Variants in RINT1 observed in about 807,000 individuals in gnomAD.
The protein encoded by RINT1 is RAD50-interacting protein 1.
A neutral mutation model predicts 97.7 loss-of-function variants in RINT1; 75 were observed. That is an observed-to-expected ratio of 0.77 (90% CI 0.64 to 0.93). The LOEUF (loss-of-function observed/expected upper bound fraction) is 0.93, where lower values mean the gene tolerates loss of function less well. Ranked by LOEUF, RINT1 falls within the 40% of genes least tolerant of loss-of-function variation. The pLI is 0.00. For missense variants in RINT1, 892 were observed against 925.2 expected (o/e 0.96, Z 0.47); for synonymous variants, 303 against 326.3 (o/e 0.93, Z 0.77).
At chr7:105,547,642 A>T (rs1175863996) in intron 6 of RINT1, among the ~76,000 whole-genome samples, 2 of 152,154 alleles carry the variant, frequency 1.3e-5, no homozygotes, top group African/African-American at 4.8e-5. Flanking sequence ...GCGTGAATTT[A>T]ATCAAATGAT....
At chr7:105,555,271 A>C (rs776881562) in intron 11 of RINT1, 44 bp downstream of exon 11, 22 of 1,481,760 alleles carry the variant, frequency 1.5e-5, no homozygotes, top group Non-Finnish European at 2.0e-5. Context: ...TACTAGTTCG[A>C]ACTATTTTAT....
rs529700102 is a variant in RINT1, at chr7:105,548,623, C to T, written c.909C>T (p.Ile303=). The T allele has an allele frequency of 6.2e-7, 1 of 1,614,132 alleles. No individual in the cohort carries two copies. ...CTCTTCCTGCCTCCCCTTCTGTCAT[C>T]CTGCCCATCCAGGTTATGCTGACTC... ...KYSLPASPSV[I]LPIQVMLTPL... The change falls in exon 7 of 15, where the codon ATC becomes ATT. Residue 303 remains isoleucine (I), a synonymous_variant. Transcript: ENST00000257700.
Position 105,532,372 on chromosome 7 carries a change from G to A in RINT1, c.42+15G>A. On this transcript the variant is annotated intron_variant, in intron 1 of 14. Coordinates refer to ENST00000257700, the MANE Select transcript of RINT1 (RefSeq NM_021930.6). ...CTGCAGCCCCGGTGAGACGGCCCTGGCGTCCCTGGGAGGGGACATTGGTGG... is the reference window on the plus strand; with the variant it reads ...CTGCAGCCCCGGTGAGACGGCCCTGACGTCCCTGGGAGGGGACATTGGTGG... 6.3e-7 allele frequency: 1 copy of A among 1,599,230 alleles called. No homozygotes were observed. Among genetic ancestry groups the A allele is most frequent in the Non-Finnish European group, 8.5e-7 (1 of 1,174,426 alleles).
chr7:105,554,436 TC>T (rs201064328), intron 10 of RINT1, among the ~76,000 whole-genome samples: 6 of 150,708 alleles, frequency 4.0e-5, no homozygotes, highest in African/African-American at 1.5e-4. Context: ...CATTTTTTTT[TC>T]TTTCTTTTTT....
intron 7 of RINT1, among the ~76,000 whole-genome samples, chr7:105,549,122 G>T (rs7777343): frequency 6.6e-6 from 1 of 151,370 alleles, no homozygotes; most frequent in Non-Finnish European, 1.5e-5. Context: ...CAAGTAGCTG[G>T]GACTACAGGC....
Position 105,548,742 on chromosome 7 carries a change from T to C in RINT1, c.996+32T>C, listed in dbSNP as rs781649708. ...TTTGCCAGCTCTTGTCCTTGGTTTTTATTGGTAACAAATGTTAGAGTTTCT... is the reference window on the plus strand; with the variant it reads ...TTTGCCAGCTCTTGTCCTTGGTTTTCATTGGTAACAAATGTTAGAGTTTCT... On this transcript the variant is annotated intron_variant, in intron 7 of 14. Transcript: ENST00000257700. 3 of 1,569,528 alleles carry C rather than the reference T, an allele frequency of 1.9e-6. No homozygotes were observed. The Admixed American group carries it at 5.8e-5, about 30-fold the overall frequency.
In RINT1 at chr7:105,547,128, T is replaced by C. The variant is rs1562847457; in HGVS notation, c.689+45T>C. The C allele has an allele frequency of 6.2e-6, 10 of 1,613,354 alleles. No individual in the cohort carries two copies. The South Asian group carries it at 1.1e-4, about 18-fold the overall frequency. ...TTTGTGGTAATTGCTTTCCGATGGGTATTTGGTGATCATTTGGTGATGTAC... is the reference window on the plus strand; with the variant it reads ...TTTGTGGTAATTGCTTTCCGATGGGCATTTGGTGATCATTTGGTGATGTAC... On this transcript the variant is annotated intron_variant, in intron 5 of 14. Coordinates refer to ENST00000257700, the MANE Select transcript of RINT1 (RefSeq NM_021930.6).
chr7:105,540,423 G>A (rs1425870496), intron 3 of RINT1, among the ~76,000 whole-genome samples: 1 of 151,942 alleles, frequency 6.6e-6, no homozygotes, highest in East Asian at 1.9e-4. Flanking sequence ...TACCACACCC[G>A]GCTAGTTTTT....
At chr7:105,561,985 AATAT>A (rs1032671540) in intron 11 of RINT1, among the ~76,000 whole-genome samples, 6 of 152,110 alleles carry the variant, frequency 3.9e-5, no homozygotes, top group Non-Finnish European at 8.8e-5. Context: ...ATATATTGAA[AATAT>A]ATATATAGTG....
chr7:105,547,356 C>A, intron 6 of RINT1, 23 bp downstream of exon 6: 1 of 1,607,956 alleles, frequency 6.2e-7, no homozygotes, highest in Admixed American at 1.7e-5. Flanking sequence ...CAGCTGAAAA[C>A]TTACTAAAAT....
intron 4 of RINT1, among the ~76,000 whole-genome samples, chr7:105,543,011 A>G (rs926083842): frequency 2.7e-4 from 41 of 151,534 alleles, no homozygotes; most frequent in African/African-American, 9.9e-4. Flanking sequence ...CAGCCTCCCG[A>G]GTAGCTGGGA....
intron 4 of RINT1, among the ~76,000 whole-genome samples, chr7:105,543,155 G>T (rs1012422292): frequency 1.3e-5 from 2 of 152,118 alleles, no homozygotes; most frequent in Non-Finnish European, 2.9e-5. Context: ...CGCTGGAAGT[G>T]CTGGGATTAC....
chr7:105,548,688 G>A lies in RINT1; in HGVS notation c.974G>A (p.Arg325Gln), dbSNP rs998778572. Residue 325 changes from arginine (R) to glutamine (Q), a missense_variant, in exon 7 of 15, where the codon CGG becomes CAG. By Grantham distance (43) the Arg-to-Gln change is conservative. Transcript: ENST00000257700. ...TTCAGGTATCACTTCAGAGGGAACC[G>A]GCAGACTAATGTGTTAAGCAAGGTG... ...KRFRYHFRGNRQTNVLSKPEW... is the reference protein window; with the variant it reads ...KRFRYHFRGNQQTNVLSKPEW... 20 of 1,613,194 alleles carry A rather than the reference G, an allele frequency of 1.2e-5. No individual in the cohort carries two copies. Among genetic ancestry groups the A allele is most frequent in the Admixed American group, 1.0e-4 (6 of 59,806 alleles).
intron 11 of RINT1, 27 bp downstream of exon 11, chr7:105,555,254 T>C: frequency 6.5e-7 from 1 of 1,549,486 alleles, no homozygotes; most frequent in Non-Finnish European, 8.8e-7. Context: ...TTATATTAAG[T>C]AATATATACT....
chr7:105,549,175 A>C (rs1400986648), intron 7 of RINT1, among the ~76,000 whole-genome samples: 1 of 151,772 alleles, frequency 6.6e-6, no homozygotes, highest in African/African-American at 2.4e-5. Flanking sequence ...TTTAGTAGAG[A>C]TGGGTTTCAC....
At chr7:105,547,872 C>T (rs371643311) in intron 6 of RINT1, among the ~76,000 whole-genome samples, 71 of 151,838 alleles carry the variant, frequency 4.7e-4, no homozygotes, top group African/African-American at 1.7e-3. Flanking sequence ...GGATTACAGG[C>T]GTGCACCACT....
At chr7:105,537,125 A>ATTTT (rs5886357) in intron 3 of RINT1, among the ~76,000 whole-genome samples, 2 of 113,350 alleles carry the variant, frequency 1.8e-5, no homozygotes, top group Admixed American at 9.1e-5. Flanking sequence ...CATCATTTCA[A>ATTTT]TTTTTTTTTT....
chr7:105,555,188 C>T lies in RINT1; in HGVS notation c.1632C>T (p.Asn544=). ...ACTGTGCAATTCTTAATGCTGTGAA[C>T]TACATCTCAACAGTACTAGCAGATT... ...FRYCAILNAV[N]YISTVLADWA... The change falls in exon 11 of 15, where the codon AAC becomes AAT. Residue 544 remains asparagine (N), a synonymous_variant. Coordinates refer to ENST00000257700, the MANE Select transcript of RINT1 (RefSeq NM_021930.6). The T allele has an allele frequency of 1.2e-6, 2 of 1,614,036 alleles. No individual in the cohort carries two copies. Among genetic ancestry groups the T allele is most frequent in the Non-Finnish European group, 1.7e-6 (2 of 1,180,004 alleles).
chr7:105,536,767 C>A lies in RINT1; in HGVS notation c.273+18C>A. 2 of 1,468,158 alleles carry A rather than the reference C, an allele frequency of 1.4e-6. No homozygotes were observed. The highest frequency in any genetic ancestry group is 1.9e-4 in the Middle Eastern group (1 of 5,172). The allele number at this position is 1,468,158 out of a possible 1,614,324, so 90.9% of individuals were successfully genotyped here. Reference sequence around the variant, plus strand: ...AAGAACAGGTAAGTATTGAAACTCACTGAAATAATTATCAGTGGAATACTT... The same window carrying A: ...AAGAACAGGTAAGTATTGAAACTCAATGAAATAATTATCAGTGGAATACTT... On this transcript the variant is annotated intron_variant, in intron 3 of 14. Coordinates refer to ENST00000257700, the MANE Select transcript of RINT1 (RefSeq NM_021930.6).
Sources: allele counts gnomAD v4.1 joint callset (sites outside exome capture counted in the v4.1 genomes callset), GRCh38; gene constraint gnomAD v4.1.1; transcripts MANE v1.5; gene names NCBI Gene and HGNC (gene_info 2026-07-23, HGNC 2026-07-21).